RTN4RL1: variants seen among roughly 807,000 people sequenced by gnomAD.
The protein encoded by RTN4RL1 is reticulon-4 receptor-like 1.
RTN4RL1 carries 7 observed loss-of-function variants against 25.6 expected under a neutral mutation model. The observed-to-expected ratio is 0.27, with a 90% CI of 0.16 to 0.51. RTN4RL1 has a LOEUF of 0.51. RTN4RL1 is among the 20% of genes least tolerant of loss of function. RTN4RL1 has a pLI of 0.97. For missense variants in RTN4RL1, 500 were observed against 615.6 expected, an observed-to-expected ratio of 0.81 and a Z score of 1.99; for synonymous variants, 297 against 288.2, an observed-to-expected ratio of 1.03 and a Z score of -0.31.
chr17:1,985,502 T>C (rs1457467798), intron 1 of RTN4RL1, among the ~76,000 whole-genome samples: 1 of 152,194 alleles, frequency 6.6e-6, no homozygotes, highest in Admixed American at 6.5e-5. Flanking sequence ...TTAATAGCTA[T>C]GGTTGATTAC....
At chr17:1,971,135 C>T (rs192382016) in intron 1 of RTN4RL1, among the ~76,000 whole-genome samples, 258 of 152,224 alleles carry the variant, frequency 1.7e-3, no homozygotes, top group Non-Finnish European at 3.1e-3. Context: ...CTCCATGTGT[C>T]GAAGGGGGAG....
chr17:1,937,008 T>C lies in RTN4RL1; in HGVS notation c.814A>G (p.Arg272Gly). 6.2e-7 allele frequency: 1 copy of C among 1,604,564 alleles called. No homozygotes were observed. Among genetic ancestry groups the C allele is most frequent in the South Asian group, 1.1e-5 (1 of 90,278 alleles). Reference protein sequence around the residue: ...RARSLWEWLQRFRGSSSAVPC... With the variant: ...RARSLWEWLQGFRGSSSAVPC... ...ACAGCGGAGCTGGAGCCCCGGAACC[T>C]CTGCAGCCATTCCCACAGGGAGCGC... The change falls in exon 2 of 2, where the codon AGG (arginine) becomes GGG (glycine). Residue 272 changes from arginine (R) to glycine (G), a missense_variant. Physicochemically the swap from Arg to Gly is moderately radical, Grantham distance 125. Coordinates refer to ENST00000331238, the MANE Select transcript of RTN4RL1 (RefSeq NM_178568.4).
chr17:2,003,378 G>A (rs1478681171), intron 1 of RTN4RL1: 1 of 152,224 alleles, frequency 6.6e-6, no homozygotes, highest in African/African-American at 2.4e-5. Context: ...AGAGGACTGT[G>A]GCATTTTCAT....
chr17:1,962,483 C>T (rs113961080), intron 1 of RTN4RL1, among the ~76,000 whole-genome samples: 24 of 151,786 alleles, frequency 1.6e-4, no homozygotes, highest in African/African-American at 5.6e-4. Context: ...CTCAGCCTCC[C>T]GAGTAGCTGG....
chr17:2,009,452 C>T lies in RTN4RL1; in HGVS notation c.13+15401G>A, dbSNP rs1218127476. On this transcript the variant is annotated intron_variant, in intron 1 of 1. Transcript: ENST00000331238. ...ACTAAAAACACAAAAATTAGCTGGGCGTGGTGGTGTGTGCCTGTAATCTCA... is the reference window on the plus strand; with the variant it reads ...ACTAAAAACACAAAAATTAGCTGGGTGTGGTGGTGTGTGCCTGTAATCTCA... Among the ~76,000 whole-genome samples, 3 of 72,694 alleles carry T rather than the reference C, an allele frequency of 4.1e-5. 1 individual carries two copies. The highest frequency in any genetic ancestry group is 8.2e-5 in the Non-Finnish European group (3 of 36,742). The allele number at this position is 72,694 out of a possible 152,430, so 47.7% of individuals were successfully genotyped here.
intron 1 of RTN4RL1, among the ~76,000 whole-genome samples, chr17:1,989,765 G>T (rs1312099060): frequency 2.0e-5 from 3 of 151,794 alleles, no homozygotes; most frequent in African/African-American, 7.3e-5. Flanking sequence ...GTAGAGAGGG[G>T]GTTTCACCAT....
intron 1 of RTN4RL1, among the ~76,000 whole-genome samples, chr17:1,943,927 A>C (rs1169449539): frequency 3.1e-5 from 4 of 129,702 alleles, no homozygotes; most frequent in South Asian, 2.2e-4. Context: ...CCTGAGTTTG[A>C]ATCCTATTTT....
Position 2,004,020 on chromosome 17 carries a change from G to A in RTN4RL1, c.13+20833C>T, listed in dbSNP as rs8078789. Among the ~76,000 whole-genome samples, 1,198 of 151,600 alleles carry A rather than the reference G, an allele frequency of 7.9e-3. 20 individuals carry two copies. Among genetic ancestry groups the A allele is most frequent in the African/African-American group, 0.027 (1,130 of 41,284 alleles). On this transcript the variant is annotated intron_variant, in intron 1 of 1. Coordinates refer to ENST00000331238, the MANE Select transcript of RTN4RL1 (RefSeq NM_178568.4). ...CTGGAGGCGGAGGTTGCAGTGAGCC[G>A]AGGTCGCACCACTGCACTCCAGCCT...
chr17:1,954,607 C>T (rs1351732679), intron 1 of RTN4RL1, among the ~76,000 whole-genome samples: 16 of 151,948 alleles, frequency 1.1e-4, no homozygotes, highest in East Asian at 3.9e-4. Context: ...AGGCTGGTCT[C>T]GAACTCCTGA....
chr17:1,951,788 A>G (rs1915686543), intron 1 of RTN4RL1, among the ~76,000 whole-genome samples: 1 of 152,192 alleles, frequency 6.6e-6, no homozygotes, highest in South Asian at 2.1e-4. Context: ...AGGGATAATC[A>G]ACTGTGATGA....
intron 1 of RTN4RL1, among the ~76,000 whole-genome samples, chr17:2,011,572 G>C (rs79070095): frequency 6.6e-6 from 1 of 152,190 alleles, no homozygotes; most frequent in African/African-American, 2.4e-5. Context: ...GGAGAGGCCA[G>C]GGCAGAGAGG....
chr17:2,024,992 G>T lies in RTN4RL1; in HGVS notation c.-127C>A. On this transcript the variant is annotated 5_prime_UTR_variant, in exon 1 of 2. Coordinates refer to ENST00000331238, the MANE Select transcript of RTN4RL1 (RefSeq NM_178568.4). Reference sequence around the variant, plus strand: ...CGAGGCGGGGGCAAGCCGGGGATCCGCTCGTGCCCGGTGGCCCGGCCCCGC... The same window carrying T: ...CGAGGCGGGGGCAAGCCGGGGATCCTCTCGTGCCCGGTGGCCCGGCCCCGC... The T allele has an allele frequency of 9.6e-7, 1 of 1,044,020 alleles. No homozygotes were observed. The highest frequency in any genetic ancestry group is 1.4e-6 in the Non-Finnish European group (1 of 727,960). The allele number at this position is 1,044,020 out of a possible 1,614,324, so 64.7% of individuals were successfully genotyped here.
At position 1,940,664 on chromosome 17, in the gene RTN4RL1, G is replaced by T. The variant is rs569723319; in HGVS notation, c.14-2856C>A. Among the ~76,000 whole-genome samples the T allele has an allele frequency of 3.9e-5, 6 of 152,184 alleles. No homozygotes were observed. In the South Asian group the frequency reaches 1.2e-3, roughly 32 times the overall value. On this transcript the variant is annotated intron_variant, in intron 1 of 1. Coordinates refer to ENST00000331238, the MANE Select transcript of RTN4RL1 (RefSeq NM_178568.4). ...CCCTCCACACCCAGGGCTGGGAGGGGGCCCCAACCCACACCAGCTGCACCT... is the reference window on the plus strand; with the variant it reads ...CCCTCCACACCCAGGGCTGGGAGGGTGCCCCAACCCACACCAGCTGCACCT...
intron 1 of RTN4RL1, among the ~76,000 whole-genome samples, chr17:1,971,227 G>A (rs1489883964): frequency 1.3e-5 from 2 of 152,140 alleles, no homozygotes; most frequent in African/African-American, 4.8e-5. Context: ...TGGTTTATAC[G>A]TGTTTGACAG....
At chr17:1,954,124 A>C (rs1915739972) in intron 1 of RTN4RL1, among the ~76,000 whole-genome samples, 1 of 152,206 alleles carries the variant, frequency 6.6e-6, no homozygotes, top group Non-Finnish European at 1.5e-5. Flanking sequence ...ACATGGTAGT[A>C]TGTCCTCTTT....
chr17:1,977,707 G>T (rs2066848702), intron 1 of RTN4RL1, among the ~76,000 whole-genome samples: 1 of 152,146 alleles, frequency 6.6e-6, no homozygotes, highest in Admixed American at 6.5e-5. Flanking sequence ...TCTGAGGAGA[G>T]ACCCGGAGCA....
intron 1 of RTN4RL1, among the ~76,000 whole-genome samples, chr17:1,977,612 G>T (rs2151315242): frequency 6.6e-6 from 1 of 152,274 alleles, no homozygotes; most frequent in Admixed American, 6.5e-5. Context: ...AGACCGCGGG[G>T]CCTGGGGCTG....
chr17:2,011,422 C>T (rs2067048338), intron 1 of RTN4RL1, among the ~76,000 whole-genome samples: 1 of 152,182 alleles, frequency 6.6e-6, no homozygotes, highest in African/African-American at 2.4e-5. Flanking sequence ...CGGCTGGCTC[C>T]ACTGGGCTCT....
At chr17:1,991,909 G>A (rs1187662998) in intron 1 of RTN4RL1, among the ~76,000 whole-genome samples, 1 of 152,178 alleles carries the variant, frequency 6.6e-6, no homozygotes, top group Non-Finnish European at 1.5e-5. Context: ...TATTTACGGA[G>A]CTGTAACTGA....
Sources: gnomAD v4.1 joint callset for allele counts (sites outside exome capture counted in the v4.1 genomes callset) on GRCh38, gnomAD v4.1.1 for gene constraint, MANE v1.5 for transcripts, NCBI Gene and HGNC (gene_info 2026-07-23, HGNC 2026-07-21) for gene names.